Variants in PTPRT observed in about 807,000 individuals in gnomAD.
PTPRT encodes receptor-type tyrosine-protein phosphatase T.
In PTPRT, 56 loss-of-function variants were observed where a neutral mutation model predicts 176.8. That is an observed-to-expected ratio of 0.32 (90% CI 0.26 to 0.40). PTPRT has a LOEUF of 0.40. Ranked by LOEUF, PTPRT falls within the 10% of genes least tolerant of loss-of-function variation. PTPRT has a pLI of 1.00. For missense variants in PTPRT, 1,540 were observed against 1,908.2 expected, an observed-to-expected ratio of 0.81 and a Z score of 3.60; for synonymous variants, 783 against 739.0, an observed-to-expected ratio of 1.06 and a Z score of -0.96.
At position 43,131,540 on chromosome 20, in the gene PTPRT, GTTAC is replaced by G. The variant is rs949871312; in HGVS notation, c.88+58102_88+58105del. ...CCTCGACCAAATTTGTTTTTAAAAA[GTTAC>G]TTACTTACTTTCTATTTCTTTTAAG... On this transcript the variant is annotated intron_variant, in intron 1 of 30. Transcript: ENST00000373187. Among the ~76,000 whole-genome samples, 68 of 152,180 alleles carry G rather than the reference GTTAC, an allele frequency of 4.5e-4. 1 individual carries two copies. The highest frequency in any genetic ancestry group is 9.9e-4 in the African/African-American group (41 of 41,518).
chr20:42,197,376 C>CAA (rs3086756), intron 16 of PTPRT, among the ~76,000 whole-genome samples: 4,400 of 33,282 alleles, frequency 0.13, 831 homozygotes, highest in East Asian at 0.17. Flanking sequence ...GAGACTCCAT[C>CAA]AAAAAAAAAA....
chr20:42,515,491 A>G (rs1353124396), intron 7 of PTPRT, among the ~76,000 whole-genome samples: 1 of 152,196 alleles, frequency 6.6e-6, no homozygotes, highest in East Asian at 1.9e-4. Flanking sequence ...AAAAACAAAA[A>G]ACAAAAAACA....
At chr20:42,569,517 G>A (rs533050068) in intron 7 of PTPRT, among the ~76,000 whole-genome samples, 2 of 152,212 alleles carry the variant, frequency 1.3e-5, no homozygotes, top group African/African-American at 4.8e-5. Flanking sequence ...TTGCTATCAC[G>A]TGAATATCAG....
intron 9 of PTPRT, among the ~76,000 whole-genome samples, chr20:42,393,802 T>C (rs1030162915): frequency 6.6e-6 from 1 of 152,222 alleles, no homozygotes; most frequent in Admixed American, 6.5e-5. Context: ...GTGTGCAATT[T>C]TACATATCGT....
intron 7 of PTPRT, among the ~76,000 whole-genome samples, chr20:42,560,583 T>C (rs769506975): frequency 2.0e-5 from 3 of 152,212 alleles, no homozygotes; most frequent in Non-Finnish European, 4.4e-5. Context: ...GGTACATCTC[T>C]ATAGACGGCC....
intron 1 of PTPRT, 118 bp from the exon 2 acceptor site, chr20:42,886,050 C>CAT (rs11473209): frequency 0.2 from 66,508 of 334,866 alleles, 5,710 homozygotes; most frequent in African/African-American, 0.24. Flanking sequence ...GAAGATTTTC[C>CAT]ATATATATAT....
chr20:42,227,693 C>T (rs143992498), intron 15 of PTPRT, among the ~76,000 whole-genome samples: 52 of 150,056 alleles, frequency 3.5e-4, no homozygotes, highest in African/African-American at 1.2e-3. Context: ...TTGCAATCTC[C>T]GCCTCCTGTA....
intron 9 of PTPRT, among the ~76,000 whole-genome samples, chr20:42,397,381 T>C (rs2058861618): frequency 1.3e-5 from 2 of 152,218 alleles, no homozygotes; most frequent in South Asian, 2.1e-4. Context: ...GAGGGTTGGA[T>C]ACCAATGAAT....
chr20:42,589,804 T>C (rs2073537066), intron 7 of PTPRT, among the ~76,000 whole-genome samples: 1 of 152,160 alleles, frequency 6.6e-6, no homozygotes, highest in African/African-American at 2.4e-5. Context: ...AATATAACCA[T>C]CTTTTTTATC....
At chr20:42,403,193 A>G (rs1380272310) in intron 9 of PTPRT, among the ~76,000 whole-genome samples, 1 of 152,066 alleles carries the variant, frequency 6.6e-6, no homozygotes, top group Non-Finnish European at 1.5e-5. Flanking sequence ...TATTGCTTAT[A>G]TTATTTCGTA....
chr20:42,310,723 T>C (rs951764578), intron 12 of PTPRT, among the ~76,000 whole-genome samples: 1 of 152,164 alleles, frequency 6.6e-6, no homozygotes, highest in Non-Finnish European at 1.5e-5. Flanking sequence ...CCAAAACAAA[T>C]GGTTACAACA....
the PTPRT span, among the ~76,000 whole-genome samples, chr20:42,041,684 A>G: frequency 6.6e-6 from 1 of 152,186 alleles, no homozygotes. Flanking sequence ...TTCTGCGCTC[A>G]ATGTTCTCGT....
intron 6 of PTPRT, among the ~76,000 whole-genome samples, chr20:42,682,972 A>G (rs1226069323): frequency 6.6e-6 from 1 of 152,188 alleles, no homozygotes; most frequent in African/African-American, 2.4e-5. Context: ...TAGAAATCAA[A>G]CGTTTTGAGA....
intron 1 of PTPRT, among the ~76,000 whole-genome samples, chr20:43,104,330 C>T (rs78119217): frequency 0.023 from 3,564 of 152,084 alleles, 157 homozygotes; most frequent in African/African-American, 0.082. Context: ...CCCGAACCCC[C>T]AGTGCCACCA....
intron 2 of PTPRT, among the ~76,000 whole-genome samples, chr20:42,855,003 G>A (rs1463268704): frequency 6.6e-6 from 1 of 152,160 alleles, no homozygotes; most frequent in Non-Finnish European, 1.5e-5. Context: ...TTGGGAGCAG[G>A]GAACTAGGGG....
At chr20:43,095,855 TC>T (rs1427120030) in intron 1 of PTPRT, among the ~76,000 whole-genome samples, 1 of 4,142 alleles carries the variant, frequency 2.4e-4, no homozygotes, top group Non-Finnish European at 5.7e-4. Context: ...TCCCTTTCTC[TC>T]CTTCTCTCTT....
chr20:42,330,379 G>T (rs2057950274), intron 11 of PTPRT, among the ~76,000 whole-genome samples: 1 of 152,012 alleles, frequency 6.6e-6, no homozygotes, highest in Non-Finnish European at 1.5e-5. Context: ...GGGAGGCTGA[G>T]GCAGGATAAT....
chr20:42,944,930 G>A (rs1215857891), intron 1 of PTPRT, among the ~76,000 whole-genome samples: 1 of 151,968 alleles, frequency 6.6e-6, no homozygotes, highest in Non-Finnish European at 1.5e-5. Flanking sequence ...TACATAGCAA[G>A]AGCTCAATAA....
the PTPRT span, among the ~76,000 whole-genome samples, chr20:42,067,323 G>A: frequency 6.6e-6 from 1 of 152,098 alleles, no homozygotes; most frequent in African/African-American, 2.4e-5. Flanking sequence ...TGGCTGGAAC[G>A]CACGCCCCCA....
Sources: gnomAD v4.1 joint callset for allele counts (sites outside exome capture counted in the v4.1 genomes callset) on GRCh38, gnomAD v4.1.1 for gene constraint, MANE v1.5 for transcripts, NCBI Gene and HGNC (gene_info 2026-07-23, HGNC 2026-07-21) for gene names.